Variants in SLC35D2 observed in about 807,000 individuals in gnomAD.
SLC35D2 encodes solute carrier family 35 member D2.
SLC35D2 carries 43 observed loss-of-function variants against 41.8 expected under a neutral mutation model. That is an observed-to-expected ratio of 1.03 (90% confidence interval 0.81 to 1.33). The LOEUF (loss-of-function observed/expected upper bound fraction) is 1.33, where lower values mean the gene tolerates loss of function less well. Among genes scored for constraint, SLC35D2 ranks in the 40% most tolerant of loss-of-function variants. SLC35D2 has a pLI of 0.00. For synonymous variants in SLC35D2, 150 were observed against 163.9 expected (o/e 0.92, Z 0.65); for missense variants, 380 against 408.4 (o/e 0.93, Z 0.60).
intron 8 of SLC35D2, among the ~76,000 whole-genome samples, chr9:96,338,486 A>G (rs2130888018): frequency 6.7e-6 from 1 of 149,584 alleles, no homozygotes; most frequent in Non-Finnish European, 1.5e-5. Context: ...AGCCCAGGAG[A>G]TGGAGGCTGC....
downstream of SLC35D2, among the ~76,000 whole-genome samples, chr9:96,316,069 C>T (rs1168987911): frequency 6.6e-6 from 1 of 152,202 alleles, no homozygotes; most frequent in Non-Finnish European, 1.5e-5. Context: ...ACTGTGGTTT[C>T]TCCTACATTC....
At chr9:96,354,934 A>G (rs1829957991) in intron 4 of SLC35D2, among the ~76,000 whole-genome samples, 1 of 151,726 alleles carries the variant, frequency 6.6e-6, no homozygotes, top group Admixed American at 6.6e-5. Context: ...GCAGTGGTTC[A>G]TGCCTGTAAT....
At chr9:96,381,961 T>G (rs1271402181) in intron 1 of SLC35D2, among the ~76,000 whole-genome samples, 1 of 152,122 alleles carries the variant, frequency 6.6e-6, no homozygotes, top group Non-Finnish European at 1.5e-5. Context: ...GCCCAGGCAC[T>G]CTCACATCAG....
chr9:96,344,462 G>T (rs1829474630), intron 7 of SLC35D2, among the ~76,000 whole-genome samples: 1 of 122,022 alleles, frequency 8.2e-6, no homozygotes, highest in African/African-American at 3.2e-5. Context: ...ATGACATATT[G>T]TGATCCTCAA....
chr9:96,345,299 C>T lies in SLC35D2; in HGVS notation c.591G>A (p.Lys197=), dbSNP rs1428109091. 3.2e-6 allele frequency: 5 copies of T among 1,580,178 alleles called. No individual in the cohort carries two copies. Among genetic ancestry groups the T allele is most frequent in the Non-Finnish European group, 3.5e-6 (4 of 1,153,436 alleles). ...AAAAGCCATAGGCAAGGTCTGGTAC[C>T]TTTGGGTCCATTTTCTGTTTGGTAT... ...GVYTKQKMDP[K]ELGKYGVLFY... Residue 197 remains lysine, a splice_region_variant and synonymous_variant, in exon 7 of 12, where the codon AAG becomes AAA. Coordinates refer to ENST00000253270, the MANE Select transcript of SLC35D2 (RefSeq NM_007001.3).
intron 1 of SLC35D2, among the ~76,000 whole-genome samples, chr9:96,377,272 G>A (rs527943885): frequency 6.6e-6 from 1 of 152,100 alleles, no homozygotes; most frequent in South Asian, 2.1e-4. Context: ...AAAAGCATTC[G>A]GGTACAAAAT....
In SLC35D2 at chr9:96,321,317, G is replaced by A. The variant is rs1828212714; in HGVS notation, c.939C>T (p.Ser313=). The A allele has an allele frequency of 1.2e-6, 2 of 1,613,680 alleles. No homozygotes were observed. The highest frequency in any genetic ancestry group is 2.2e-5 in the South Asian group (2 of 91,066). ...TTAACTGGCTGCTCAGTGTTAAAAA[G>A]GAATATCTCAAGCCCCCTGCCATGC... ...NICMAGGLRY[S]FLTLSSQLKP... Residue 313 remains serine, a synonymous_variant, in exon 12 of 12, where the codon TCC becomes TCT. Coordinates refer to ENST00000253270, the MANE Select transcript of SLC35D2 (RefSeq NM_007001.3).
At chr9:96,332,637 G>A (rs1405438351) in intron 9 of SLC35D2, among the ~76,000 whole-genome samples, 1 of 151,854 alleles carries the variant, frequency 6.6e-6, no homozygotes, top group East Asian at 2.0e-4. Context: ...AAATTAGCCA[G>A]GCGCAGTGGT....
At chr9:96,376,906 G>A (rs897000770) in intron 1 of SLC35D2, among the ~76,000 whole-genome samples, 3 of 151,364 alleles carry the variant, frequency 2.0e-5, no homozygotes, top group Non-Finnish European at 4.4e-5. Context: ...CACTGCGCCC[G>A]GCCATGGGGT....
At chr9:96,315,688 C>T (rs1828035916) in intron 11 of SLC35D2, among the ~76,000 whole-genome samples, 1 of 152,158 alleles carries the variant, frequency 6.6e-6, no homozygotes, top group Non-Finnish European at 1.5e-5. Context: ...CCGCCTCGGC[C>T]TCCCAAAGTG....
At chr9:96,368,800 T>C (rs976692689) in intron 1 of SLC35D2, among the ~76,000 whole-genome samples, 1 of 151,916 alleles carries the variant, frequency 6.6e-6, no homozygotes, top group African/African-American at 2.4e-5. Context: ...AGTCTCACTC[T>C]ATCACGCAGG....
At chr9:96,374,377 T>TAAA (rs1362609039) in intron 1 of SLC35D2, among the ~76,000 whole-genome samples, 24 of 149,964 alleles carry the variant, frequency 1.6e-4, no homozygotes, top group Admixed American at 6.6e-5. Context: ...CTACTAAAAA[T>TAAA]ACAAAATTTA....
In SLC35D2 at chr9:96,324,549, C is replaced by CTTTTTTTTT. The variant is rs57775451; in HGVS notation, c.753-389_753-381dup. 1.6e-3 allele frequency among the ~76,000 whole-genome samples: 188 copies of CTTTTTTTTT among 117,700 alleles called. 9 individuals carry two copies. The highest frequency in any genetic ancestry group is 2.8e-3 in the Non-Finnish European group (156 of 56,414). The allele number at this position is 117,700 out of a possible 152,430, so 77.2% of individuals were successfully genotyped here. A position where few individuals can be genotyped will look rare whatever the true frequency, so the allele number is the denominator to read the frequency against. On this transcript the variant is annotated intron_variant, in intron 9 of 11. Transcript: ENST00000253270. ...CTGTGCCTCAGAATCGCCTGCTGCA[C>CTTTTTTTTT]TTTTTTTTTTTTTTTTTGGTGGGGA...
intron 6 of SLC35D2, among the ~76,000 whole-genome samples, chr9:96,350,213 C>T (rs74492960): frequency 0.086 from 13,049 of 152,126 alleles, 807 homozygotes; most frequent in South Asian, 0.28. Context: ...CTCTTTTGCT[C>T]AGGCTAGAAT....
At chr9:96,350,130 A>G (rs776826635) in intron 6 of SLC35D2, among the ~76,000 whole-genome samples, 1 of 152,088 alleles carries the variant, frequency 6.6e-6, no homozygotes, top group Non-Finnish European at 1.5e-5. Flanking sequence ...AATAAACCTT[A>G]GTCTACACAA....
intron 8 of SLC35D2, among the ~76,000 whole-genome samples, chr9:96,339,839 C>T (rs1829234142): frequency 6.6e-6 from 1 of 152,178 alleles, no homozygotes; most frequent in Non-Finnish European, 1.5e-5. Context: ...GTTAATAGAT[C>T]TATTGACTGT....
chr9:96,345,511 T>C (rs941939255), intron 6 of SLC35D2, 110 bp from the exon 7 acceptor site: 2 of 675,662 alleles, frequency 3.0e-6, no homozygotes, highest in Admixed American at 3.0e-5. Context: ...TGTGGCACAC[T>C]TTCCCCGCTT....
chr9:96,349,230 A>C (rs13284438), intron 6 of SLC35D2, among the ~76,000 whole-genome samples: 5 of 152,180 alleles, frequency 3.3e-5, no homozygotes, highest in Admixed American at 6.5e-5. Flanking sequence ...CAGAGAAGAC[A>C]AGGAATGCAG....
intron 1 of SLC35D2, among the ~76,000 whole-genome samples, chr9:96,377,582 C>T (rs1000893715): frequency 2.0e-5 from 3 of 152,232 alleles, no homozygotes; most frequent in Admixed American, 6.5e-5. Context: ...CATGGCAATT[C>T]TTTCTTCCCA....
Sources: gnomAD v4.1 joint callset for allele counts (sites outside exome capture counted in the v4.1 genomes callset) on GRCh38, gnomAD v4.1.1 for gene constraint, MANE v1.5 for transcripts, NCBI Gene and HGNC (gene_info 2026-07-23, HGNC 2026-07-21) for gene names.